Variants in AP2B1 observed in about 807,000 individuals in gnomAD.
AP2B1 encodes AP-2 complex subunit beta.
AP2B1 carries 23 observed loss-of-function variants against 102.0 expected under a neutral mutation model. That is an observed-to-expected ratio of 0.23 (90% CI 0.16 to 0.32). The LOEUF (loss-of-function observed/expected upper bound fraction) is 0.32. AP2B1 is among the 10% of genes least tolerant of loss of function. The pLI, the probability that AP2B1 is intolerant of heterozygous loss-of-function variation, is 1.00. For missense variants in AP2B1, 541 were observed against 1,157.4 expected (o/e 0.47, Z 7.73); for synonymous variants, 381 against 421.2 (o/e 0.90, Z 1.17).
intron 14 of AP2B1, among the ~76,000 whole-genome samples, chr17:35,658,282 C>CTTTT (rs33981679): frequency 2.8e-5 from 4 of 141,072 alleles, no homozygotes; most frequent in African/African-American, 7.9e-5. Context: ...TCTTCTTCTT[C>CTTTT]TTTTTTTTTT....
Position 35,639,589 on chromosome 17 carries a change from C to A in AP2B1, c.1272-6C>A. The A allele has an allele frequency of 1.9e-6, 3 of 1,591,934 alleles. No individual in the cohort carries two copies. Among genetic ancestry groups the A allele is most frequent in the Non-Finnish European group, 2.6e-6 (3 of 1,172,768 alleles). The stretch of plus-strand genomic sequence containing the variant: ...TCAATAACCATAGTTCATTTTTTTT[C>A]ATCAGGTATGAAAGTATCATCGCCA... On this transcript the variant is annotated splice_polypyrimidine_tract_variant and splice_region_variant and intron_variant, in intron 10 of 21. Coordinates refer to ENST00000610402, the MANE Select transcript of AP2B1 (RefSeq NM_001030006.2).
In AP2B1 at chr17:35,594,011, C is replaced by A; in HGVS notation, c.-20C>A. The A allele has an allele frequency of 6.4e-7, 1 of 1,566,402 alleles. No homozygotes were observed. Among genetic ancestry groups the A allele is most frequent in the Non-Finnish European group, 8.7e-7 (1 of 1,150,046 alleles). ...GAATTCTTTTCTCTTGCTATAGGTG[C>A]ACATTAAAGATCCAAAGTCATGACT... is the stretch of plus-strand genomic sequence containing the variant. On this transcript the variant is annotated 5_prime_UTR_variant, in exon 2 of 22. Transcript: ENST00000610402.
chr17:35,624,327 G>A (rs1408656388), intron 5 of AP2B1, 70 bp from the exon 6 acceptor site: 3 of 1,401,658 alleles, frequency 2.1e-6, no homozygotes, highest in African/African-American at 1.4e-5. Context: ...ACCCAGAGAA[G>A]GCTGATGAAG....
At chr17:35,690,445 A>G (rs1166398969) in intron 18 of AP2B1, among the ~76,000 whole-genome samples, 1 of 152,190 alleles carries the variant, frequency 6.6e-6, no homozygotes, top group Admixed American at 6.5e-5. Flanking sequence ...GCATTAATTC[A>G]TTTAATTCAC....
intron 16 of AP2B1, among the ~76,000 whole-genome samples, chr17:35,672,909 A>G (rs2142964675): frequency 6.6e-6 from 1 of 152,328 alleles, no homozygotes; most frequent in Non-Finnish European, 1.5e-5. Context: ...CTTTCAAAAG[A>G]AAAAGATCAT....
At chr17:35,623,361 C>G (rs1448854441) in intron 5 of AP2B1, among the ~76,000 whole-genome samples, 1 of 151,830 alleles carries the variant, frequency 6.6e-6, no homozygotes, top group Admixed American at 6.6e-5. Flanking sequence ...GTCAGGGGTT[C>G]GAGACCAGCC....
chr17:35,699,652 T>C (rs974136214), intron 18 of AP2B1, among the ~76,000 whole-genome samples: 18 of 152,236 alleles, frequency 1.2e-4, no homozygotes, highest in African/African-American at 4.3e-4. Context: ...TTACTCTTTC[T>C]GCTATGTTTT....
At chr17:35,644,972 C>T (rs1180396830) in intron 12 of AP2B1, among the ~76,000 whole-genome samples, 1 of 151,210 alleles carries the variant, frequency 6.6e-6, no homozygotes, top group African/African-American at 2.4e-5. Flanking sequence ...GCAGAGGTTG[C>T]AGTGAGCTGA....
At position 35,650,544 on chromosome 17, in the gene AP2B1, T is replaced by A. The variant is rs561036971; in HGVS notation, c.1551T>A (p.Pro517=). The change falls in exon 13 of 22, where the codon CCT becomes CCA. Residue 517 remains proline, a synonymous_variant. Coordinates refer to ENST00000610402, the MANE Select transcript of AP2B1 (RefSeq NM_001030006.2). ...CTTTTCTTTAGGATTCTGATAATCCTGACCTTCGAGACCGGGGCTATATTT... is the reference window on the plus strand; with the variant it reads ...CTTTTCTTTAGGATTCTGATAATCCAGACCTTCGAGACCGGGGCTATATTT... ...LSLATQDSDN[P]DLRDRGYIYW... is the part of the protein sequence containing the mutation. 2.5e-6 allele frequency: 4 copies of A among 1,614,142 alleles called. No individual in the cohort carries two copies. In the East Asian group the frequency reaches 6.7e-5, roughly 27 times the overall value.
intron 21 of AP2B1, among the ~76,000 whole-genome samples, chr17:35,721,336 C>T (rs1555593074): frequency 2.0e-5 from 3 of 152,106 alleles, no homozygotes; most frequent in African/African-American, 7.2e-5. Context: ...CTCTTCTGCC[C>T]TTGGTGTGTC....
chr17:35,689,729 A>G (rs1216715420), intron 18 of AP2B1, among the ~76,000 whole-genome samples: 1 of 152,216 alleles, frequency 6.6e-6, no homozygotes, highest in African/African-American at 2.4e-5. Context: ...AAATTAAATC[A>G]AACAAATTCA....
intron 20 of AP2B1, among the ~76,000 whole-genome samples, chr17:35,714,866 C>T (rs2076521440): frequency 2.6e-5 from 4 of 152,310 alleles, no homozygotes; most frequent in Admixed American, 2.0e-4. Flanking sequence ...AACAATATTA[C>T]ATTACATTCT....
chr17:35,676,791 A>G (rs34184070), intron 17 of AP2B1, among the ~76,000 whole-genome samples: 131,145 of 151,760 alleles, frequency 0.86, 57,003 homozygotes, highest in East Asian at 0.97. Context: ...CATATTGGTC[A>G]TATATATCTT....
Position 35,704,929 on chromosome 17 carries a change from G to C in AP2B1, c.2455-4295G>C, listed in dbSNP as rs192361361. ...GCCTGTAATCCCAGCTACTCAGGAG[G>C]CTGAGGCAGGAGAATCGCTTGAACC... is the stretch of plus-strand genomic sequence containing the variant. On this transcript the variant is annotated intron_variant, in intron 18 of 21. Transcript: ENST00000610402. Among the ~76,000 whole-genome samples the C allele has an allele frequency of 3.9e-3, 590 of 152,298 alleles. 4 individuals carry two copies. Among genetic ancestry groups the C allele is most frequent in the African/African-American group, 0.013 (556 of 41,546 alleles).
At chr17:35,663,243 C>T (rs946651288) in intron 14 of AP2B1, among the ~76,000 whole-genome samples, 8 of 152,144 alleles carry the variant, frequency 5.3e-5, no homozygotes, top group Non-Finnish European at 1.2e-4. Context: ...CTTCCATAAC[C>T]ACCATCTTTG....
At chr17:35,601,510 C>T (rs1443636905) in intron 3 of AP2B1, among the ~76,000 whole-genome samples, 1 of 152,124 alleles carries the variant, frequency 6.6e-6, no homozygotes, top group Non-Finnish European at 1.5e-5. Context: ...GCCAAGTGAT[C>T]CGCCTGCCTT....
At chr17:35,655,464 T>A (rs1210452098) in intron 13 of AP2B1, among the ~76,000 whole-genome samples, 2 of 152,236 alleles carry the variant, frequency 1.3e-5, no homozygotes, top group African/African-American at 4.8e-5. Context: ...TGTCTTTTGC[T>A]CAACATAATG....
chr17:35,594,841 G>A (rs1418882662), intron 2 of AP2B1, among the ~76,000 whole-genome samples: 1 of 152,194 alleles, frequency 6.6e-6, no homozygotes, highest in Non-Finnish European at 1.5e-5. Context: ...TTCTTCTGGG[G>A]AAAGTCCAAC....
chr17:35,641,846 T>G (rs1415206981), intron 11 of AP2B1, 31 bp from the exon 12 acceptor site: 2 of 1,529,604 alleles, frequency 1.3e-6, no homozygotes, highest in Non-Finnish European at 1.8e-6. Flanking sequence ...AGTGCCATTC[T>G]TTCACACTAT....
Sources: gnomAD v4.1 joint callset for allele counts (sites outside exome capture counted in the v4.1 genomes callset) on GRCh38, gnomAD v4.1.1 for gene constraint, MANE v1.5 for transcripts, NCBI Gene and HGNC (gene_info 2026-07-23, HGNC 2026-07-21) for gene names.